PPP2R2A: variants seen among roughly 807,000 people sequenced by gnomAD.
PPP2R2A encodes the protein protein phosphatase 2 regulatory subunit Balpha, also known as serine/threonine-protein phosphatase 2A 55 kDa regulatory subunit B alpha isoform.
In PPP2R2A, 9 loss-of-function variants were observed where a neutral mutation model predicts 53.2. That is an observed-to-expected ratio of 0.17 (90% confidence interval 0.10 to 0.30). The LOEUF (loss-of-function observed/expected upper bound fraction) is 0.30, where lower values mean the gene tolerates loss of function less well. Among genes scored for constraint, PPP2R2A ranks in the 10% least tolerant of loss-of-function variants. The pLI is 1.00. For missense variants in PPP2R2A, 235 were observed against 534.6 expected, an observed-to-expected ratio of 0.44 and a Z score of 5.53; for synonymous variants, 169 against 174.2, an observed-to-expected ratio of 0.97 and a Z score of 0.23.
At position 26,370,542 on chromosome 8, in the gene PPP2R2A, C is replaced by T; in HGVS notation, c.*129C>T. The T allele has an allele frequency of 2.9e-6, 3 of 1,034,662 alleles. No individual in the cohort carries two copies. The Middle Eastern group carries it at 7.9e-4, about 273-fold the overall frequency. The allele number at this position is 1,034,662 out of a possible 1,614,324, so 64.1% of individuals were successfully genotyped here. A position where few individuals can be genotyped will look rare whatever the true frequency, so the allele number is the denominator to read the frequency against. ...CAGTGTTTGACAGTGTGCCATTCGA[C>T]AACACATTGTTATAGCTACATGGAG... On this transcript the variant is annotated 3_prime_UTR_variant, in exon 10 of 10. Coordinates refer to ENST00000380737, the MANE Select transcript of PPP2R2A (RefSeq NM_002717.4). This position sits in a 1 kb window ranked among gnomAD's most constrained non-coding sequence, Gnocchi z 6.1.
chr8:26,359,842 A>C (rs866712009), intron 4 of PPP2R2A, among the ~76,000 whole-genome samples: 1 of 152,160 alleles, frequency 6.6e-6, no homozygotes, highest in African/African-American at 2.4e-5. Context: ...ATGTAGGTAC[A>C]GACATATATG....
chr8:26,366,485 C>A, intron 9 of PPP2R2A, 79 bp downstream of exon 9: 1 of 1,061,320 alleles, frequency 9.4e-7, no homozygotes, highest in Non-Finnish European at 1.4e-6. Flanking sequence ...CTAACTTCGT[C>A]TCTAGGGATT....
At position 26,360,783 on chromosome 8, in the gene PPP2R2A, A is replaced by G. The variant is rs1353158202; in HGVS notation, c.460-191A>G. 1.9e-5 allele frequency: 10 copies of G among 533,640 alleles called. No individual in the cohort carries two copies. The highest frequency in any genetic ancestry group is 2.9e-5 in the Non-Finnish European group (9 of 314,380). The allele number at this position is 533,640 out of a possible 1,614,324, so 33.1% of individuals were successfully genotyped here. A position where few individuals can be genotyped will look rare whatever the true frequency, so the allele number is the denominator to read the frequency against. ...TATTGCAACCAGTAAAAGAAGATATATTATCCACATTGTTCATTTTTTCTT... is the reference window on the plus strand; with the variant it reads ...TATTGCAACCAGTAAAAGAAGATATGTTATCCACATTGTTCATTTTTTCTT... On this transcript the variant is annotated intron_variant, in intron 5 of 9. Transcript: ENST00000380737. This position sits in a 1 kb window ranked among gnomAD's most constrained non-coding sequence, Gnocchi z 4.5.
chr8:26,333,054 C>T (rs1803465415), intron 2 of PPP2R2A, among the ~76,000 whole-genome samples: 1 of 152,162 alleles, frequency 6.6e-6, no homozygotes, highest in Non-Finnish European at 1.5e-5. Context: ...AGAATAAATG[C>T]CCACTTAGCA....
At chr8:26,363,987 GT>G in intron 8 of PPP2R2A, 97 bp downstream of exon 8, 4 of 1,168,554 alleles carry the variant, frequency 3.4e-6, no homozygotes, top group Non-Finnish European at 4.6e-6. Context: ...CCTGTATGGT[GT>G]TTGTTCACCA....
chr8:26,361,127 C>A lies in PPP2R2A; in HGVS notation c.613C>A (p.Leu205Met). 6.3e-7 allele frequency: 1 copy of A among 1,597,688 alleles called. No individual in the cohort carries two copies. The highest frequency in any genetic ancestry group is 8.5e-7 in the Non-Finnish European group (1 of 1,175,850). Reference sequence around the variant, plus strand: ...TGATTTGCGGATTAATCTTTGGCATCTGGAAATTACAGACAGGAGTTTTAG... The same window carrying A: ...TGATTTGCGGATTAATCTTTGGCATATGGAAATTACAGACAGGAGTTTTAG... ...ADDLRINLWH[L>M]EITDRSFNIV... Residue 205 changes from leucine (L) to methionine (M), a missense_variant, in exon 6 of 10, where the codon CTG (leucine) becomes ATG (methionine). Transcript: ENST00000380737.
At chr8:26,316,262 C>T (rs1414922359) in intron 2 of PPP2R2A, among the ~76,000 whole-genome samples, 1 of 152,172 alleles carries the variant, frequency 6.6e-6, no homozygotes, top group African/African-American at 2.4e-5. Flanking sequence ...CCTGCCTCAG[C>T]CTCCCAAAGC....
intron 2 of PPP2R2A, among the ~76,000 whole-genome samples, chr8:26,331,518 C>T (rs2117301407): frequency 6.6e-6 from 1 of 152,196 alleles, no homozygotes; most frequent in South Asian, 2.1e-4. Context: ...CTTTGTTAGT[C>T]TTTGTCTTTT....
intron 2 of PPP2R2A, among the ~76,000 whole-genome samples, chr8:26,319,187 C>T (rs757195452): frequency 3.3e-5 from 5 of 152,156 alleles, no homozygotes; most frequent in Non-Finnish European, 5.9e-5. Context: ...GTATGTACCA[C>T]ATTTTGTTTG....
At chr8:26,342,137 C>T (rs1026340768) in intron 3 of PPP2R2A, among the ~76,000 whole-genome samples, 3 of 152,158 alleles carry the variant, frequency 2.0e-5, no homozygotes, top group Non-Finnish European at 4.4e-5. Context: ...TTCTGCTACA[C>T]GGAATCTCTG....
At chr8:26,293,874 T>C (rs1563277880) in intron 2 of PPP2R2A, 134 bp downstream of exon 2, 5 of 773,046 alleles carry the variant, frequency 6.5e-6, no homozygotes, top group Non-Finnish European at 6.2e-6. Flanking sequence ...AGAACAGTTT[T>C]AAAAGATACC....
chr8:26,295,791 A>G (rs778023743), intron 2 of PPP2R2A, among the ~76,000 whole-genome samples: 1 of 152,194 alleles, frequency 6.6e-6, no homozygotes, highest in African/African-American at 2.4e-5. Context: ...CCAGTTTTCA[A>G]ATGACACTGC....
At chr8:26,366,126 A>C in intron 8 of PPP2R2A, 189 bp from the exon 9 acceptor site, 2 of 491,768 alleles carry the variant, frequency 4.1e-6, no homozygotes, top group East Asian at 3.6e-5. Context: ...AGGAAAATGT[A>C]CCTCCCTGAA....
chr8:26,328,631 A>G (rs1232876911), intron 2 of PPP2R2A, among the ~76,000 whole-genome samples: 1 of 152,190 alleles, frequency 6.6e-6, no homozygotes, highest in Non-Finnish European at 1.5e-5. Context: ...AACAGGATCA[A>G]ATGTACTTTG....
chr8:26,317,448 T>C (rs543936261), intron 2 of PPP2R2A, among the ~76,000 whole-genome samples: 2 of 152,352 alleles, frequency 1.3e-5, no homozygotes, highest in African/African-American at 4.8e-5. Flanking sequence ...GTGATTTTCA[T>C]TCTTAGCATC....
Position 26,291,534 on chromosome 8 carries a change from G to A in PPP2R2A, c.-286G>A, listed in dbSNP as rs1563275780. 2.5e-5 allele frequency: 11 copies of A among 446,790 alleles called. 1 individual carries two copies. The highest frequency in any genetic ancestry group is 1.7e-4 in the South Asian group (7 of 41,536). The allele number at this position is 446,790 out of a possible 1,614,324, so 27.7% of individuals were successfully genotyped here. On this transcript the variant is annotated 5_prime_UTR_variant, in exon 1 of 10. Coordinates refer to ENST00000380737, the MANE Select transcript of PPP2R2A (RefSeq NM_002717.4). ...GGCCAGCCGGCGCCATTTTGAAAGT[G>A]GAGTCGCCTGCCCCTGCCGCTGCCG...
At chr8:26,310,394 T>C (rs953350620) in intron 2 of PPP2R2A, among the ~76,000 whole-genome samples, 2 of 149,268 alleles carry the variant, frequency 1.3e-5, no homozygotes, top group African/African-American at 4.9e-5. Flanking sequence ...CTTTCCAGCA[T>C]ATAGTTCTTT....
chr8:26,342,066 T>C lies in PPP2R2A; in HGVS notation c.180+3079T>C, dbSNP rs1419242564. 2.0e-5 allele frequency among the ~76,000 whole-genome samples: 3 copies of C among 152,208 alleles called. No individual in the cohort carries two copies. The East Asian group carries it at 5.8e-4, about 29-fold the overall frequency. On this transcript the variant is annotated intron_variant, in intron 3 of 9. Coordinates refer to ENST00000380737, the MANE Select transcript of PPP2R2A (RefSeq NM_002717.4). ...TTTGAGTATGTTTCAGACTGATAAT[T>C]GTTTAATATTTTTAGCTGTCATTTA... is the stretch of plus-strand genomic sequence containing the variant.
At position 26,370,328 on chromosome 8, in the gene PPP2R2A, T is replaced by G; in HGVS notation, c.1259T>G (p.Leu420Arg). 1 of 1,614,190 alleles carries G rather than the reference T, an allele frequency of 6.2e-7. No individual in the cohort carries two copies. The highest frequency in any genetic ancestry group is 8.5e-7 in the Non-Finnish European group (1 of 1,180,026). Residue 420 changes from leucine (L) to arginine (R), a missense_variant, in exon 10 of 10, where the codon CTT (leucine) becomes CGT (arginine). Around this residue, in one of 3 missense-constraint regions of PPP2R2A, gnomAD observed 181 missense variants for 409.9 expected, o/e 0.44. Transcript: ENST00000380737. The surrounding 1 kb of genome is among the most constrained non-coding windows in gnomAD (Gnocchi z 6.1). ...AGCCTAGACTTCAATAAGAAAATCC[T>G]TCACACAGCCTGGCACCCCAAGGAA... ...VDSLDFNKKI[L>R]HTAWHPKENI...
Sources: allele counts gnomAD v4.1 joint callset (sites outside exome capture counted in the v4.1 genomes callset), GRCh38; gene constraint gnomAD v4.1.1; regional missense constraint gnomAD v4.1.1; non-coding constraint Gnocchi (gnomAD v3.1); transcripts MANE v1.5; gene names NCBI Gene and HGNC (gene_info 2026-07-23, HGNC 2026-07-21).